Variants in HIVEP2 observed in about 807,000 individuals in gnomAD.
HIVEP2 encodes transcription factor HIVEP2.
In HIVEP2, 14 loss-of-function variants were observed where a neutral mutation model predicts 180.7. The observed-to-expected ratio is 0.08, with a 90% CI of 0.05 to 0.12. The LOEUF is 0.12. Ranked by LOEUF, HIVEP2 falls within the 10% of genes least tolerant of loss-of-function variation. The pLI is 1.00. For synonymous variants in HIVEP2, 1,184 were observed against 1,136.4 expected (o/e 1.04, Z -0.84); for missense variants, 2,579 against 3,008.5 (o/e 0.86, Z 3.34).
chr6:142,851,196 A>G (rs1775662420), intron 1 of HIVEP2, among the ~76,000 whole-genome samples: 1 of 152,244 alleles, frequency 6.6e-6, no homozygotes, highest in Non-Finnish European at 1.5e-5. Flanking sequence ...CCTGGAATCA[A>G]TAAGGCCTAG....
At chr6:142,865,153 C>T (rs1456756108) in intron 1 of HIVEP2, among the ~76,000 whole-genome samples, 1 of 152,104 alleles carries the variant, frequency 6.6e-6, no homozygotes, top group Non-Finnish European at 1.5e-5. Flanking sequence ...TCCAGGAAAA[C>T]CAAATCTCTT....
intron 2 of HIVEP2, among the ~76,000 whole-genome samples, chr6:142,795,672 G>T (rs1776261925): frequency 6.6e-6 from 1 of 152,130 alleles, no homozygotes; most frequent in Admixed American, 6.5e-5. Flanking sequence ...ATATAGAGAA[G>T]AAAATGTTTT....
At chr6:142,911,067 A>G (rs13206937) in intron 1 of HIVEP2, among the ~76,000 whole-genome samples, 1 of 151,988 alleles carries the variant, frequency 6.6e-6, no homozygotes, top group African/African-American at 2.4e-5. Context: ...AAAGTTCAAG[A>G]CAATAAAGTT....
chr6:142,832,511 A>G (rs770845935), intron 2 of HIVEP2, among the ~76,000 whole-genome samples: 16 of 152,226 alleles, frequency 1.1e-4, no homozygotes, highest in Non-Finnish European at 2.2e-4. Flanking sequence ...ATTATTAACC[A>G]GACTCCGACG....
chr6:142,901,244 T>A (rs1777126440), intron 1 of HIVEP2, among the ~76,000 whole-genome samples: 1 of 152,190 alleles, frequency 6.6e-6, no homozygotes, highest in South Asian at 2.1e-4. Flanking sequence ...CTAGGGGAGT[T>A]TATGAGAAAT....
intron 1 of HIVEP2, among the ~76,000 whole-genome samples, chr6:142,888,614 C>T (rs534270509): frequency 3.5e-4 from 54 of 152,312 alleles, no homozygotes; most frequent in African/African-American, 1.2e-3. Context: ...CATGCACACA[C>T]ATACATATTC....
intron 2 of HIVEP2, among the ~76,000 whole-genome samples, chr6:142,836,553 G>A (rs80353927): frequency 0.01 from 1,565 of 152,144 alleles, 12 homozygotes; most frequent in Non-Finnish European, 0.017. Context: ...TACTTCAAAT[G>A]TTCATTACAT....
At chr6:142,757,194 G>T (rs1775098850) in intron 9 of HIVEP2, among the ~76,000 whole-genome samples, 1 of 152,162 alleles carries the variant, frequency 6.6e-6, no homozygotes, top group Non-Finnish European at 1.5e-5. Flanking sequence ...GTGTGAGAAA[G>T]CATAAAGTGG....
intron 2 of HIVEP2, among the ~76,000 whole-genome samples, chr6:142,832,521 G>A (rs1775115451): frequency 6.6e-6 from 1 of 152,130 alleles, no homozygotes; most frequent in Non-Finnish European, 1.5e-5. Flanking sequence ...AGACTCCGAC[G>A]TCAGTAAAGT....
chr6:142,849,747 G>C (rs962708632), intron 1 of HIVEP2, among the ~76,000 whole-genome samples: 9 of 152,024 alleles, frequency 5.9e-5, no homozygotes, highest in African/African-American at 1.9e-4. Flanking sequence ...TCAAACTCCT[G>C]GGCTCAAGTG....
chr6:142,907,595 C>T (rs1374344128), intron 1 of HIVEP2, among the ~76,000 whole-genome samples: 2 of 152,184 alleles, frequency 1.3e-5, no homozygotes, highest in African/African-American at 4.8e-5. Context: ...CACTACTTTG[C>T]CTCTACCCTA....
At chr6:142,907,302 A>G (rs1209618311) in intron 1 of HIVEP2, among the ~76,000 whole-genome samples, 1 of 152,154 alleles carries the variant, frequency 6.6e-6, no homozygotes, top group Admixed American at 6.5e-5. Flanking sequence ...ACTTACAACC[A>G]CCTGACGAAA....
Position 142,768,391 on chromosome 6 carries a change from A to C in HIVEP2, c.5333T>G (p.Phe1778Cys). 4.3e-6 allele frequency: 7 copies of C among 1,610,556 alleles called. No individual in the cohort carries two copies. The highest frequency in any genetic ancestry group is 5.9e-6 in the Non-Finnish European group (7 of 1,178,886). ...KQTEPIRIKI[F>C]EGGYKSNEDY... ...CACTTTGTTTCCTTACCCTCCTTCA[A>C]ATATTTTAATTCGGATTGGCTCAGT... Residue 1778 changes from phenylalanine to cysteine, a missense_variant, in exon 6 of 10, where the codon TTT becomes TGT. By Grantham distance (205) the Phe-to-Cys change is radical. Coordinates refer to ENST00000367603, the MANE Select transcript of HIVEP2 (RefSeq NM_006734.4).
chr6:142,818,243 G>C (rs1049452972), intron 2 of HIVEP2, among the ~76,000 whole-genome samples: 1 of 152,036 alleles, frequency 6.6e-6, no homozygotes, highest in Non-Finnish European at 1.5e-5. Context: ...CCCTTCTAAA[G>C]GCAAGGAAGC....
Position 142,773,715 on chromosome 6 carries a change from A to G in HIVEP2, c.1024T>C (p.Ser342Pro), listed in dbSNP as rs1272027399. 6.2e-7 allele frequency: 1 copy of G among 1,614,102 alleles called. No individual in the cohort carries two copies. The highest frequency in any genetic ancestry group is 8.5e-7 in the Non-Finnish European group (1 of 1,179,996). The part of the protein sequence containing the change: ...KSGIPLPNES[S>P]QYIGPDMLPN... ...AGCATATCAGGGCCAATATACTGAG[A>G]GCTTTCATTAGGGAGAGGAATCCCA... Residue 342 changes from serine to proline, a missense_variant, in exon 5 of 10, where the codon TCT becomes CCT. Physicochemically the swap from Ser to Pro is moderately conservative, Grantham distance 74. This residue lies in a region of HIVEP2 where 142 missense variants were observed against 135.2 expected (regional missense o/e 1.05). Coordinates refer to ENST00000367603, the MANE Select transcript of HIVEP2 (RefSeq NM_006734.4).
At position 142,770,879 on chromosome 6, in the gene HIVEP2, C is replaced by T; in HGVS notation, c.3860G>A (p.Gly1287Glu). 1 of 1,614,168 alleles carries T rather than the reference C, an allele frequency of 6.2e-7. No homozygotes were observed. Among genetic ancestry groups the T allele is most frequent in the Non-Finnish European group, 8.5e-7 (1 of 1,180,030 alleles). Residue 1287 changes from glycine to glutamate, a missense_variant, in exon 5 of 10, where the codon GGG becomes GAG. Transcript: ENST00000367603. The surrounding 1 kb of genome is among the most constrained non-coding windows in gnomAD (Gnocchi z 4.7). ...TGGAAGAAGGTTCTTTGGGTGTAGC[C>T]CTGATGCTCCTGAATAACATGGGTA... ...QTYPCYSGAS[G>E]LHPKNLLPKF... is the part of the protein sequence containing the mutation.
chr6:142,765,192 G>A (rs905715698), intron 6 of HIVEP2, among the ~76,000 whole-genome samples: 4 of 152,154 alleles, frequency 2.6e-5, no homozygotes, highest in African/African-American at 9.7e-5. Context: ...ATGCTCCATG[G>A]AATTCAAAAT....
At chr6:142,841,380 CT>C (rs771155533) in intron 1 of HIVEP2, among the ~76,000 whole-genome samples, 1 of 152,094 alleles carries the variant, frequency 6.6e-6, no homozygotes, top group Non-Finnish European at 1.5e-5. Context: ...TTTGTTCAGA[CT>C]GCCAGTATGA....
At chr6:142,897,934 G>A (rs887419288) in intron 1 of HIVEP2, among the ~76,000 whole-genome samples, 5 of 152,054 alleles carry the variant, frequency 3.3e-5, no homozygotes, top group Admixed American at 2.6e-4. Flanking sequence ...TGTCTATCTC[G>A]GCTTCCCTAC....
Sources: gnomAD v4.1 joint callset for allele counts (sites outside exome capture counted in the v4.1 genomes callset) on GRCh38, gnomAD v4.1.1 for gene constraint, gnomAD v4.1.1 regional missense constraint, Gnocchi (gnomAD v3.1) non-coding constraint, MANE v1.5 for transcripts, NCBI Gene and HGNC (gene_info 2026-07-23, HGNC 2026-07-21) for gene names.